Variants in CNTN4 observed in about 807,000 individuals in gnomAD.
The protein encoded by CNTN4 is contactin-4.
A neutral mutation model predicts 122.5 loss-of-function variants in CNTN4; 77 were observed. The ratio of observed to expected loss-of-function variants is 0.63; its 90% CI spans 0.52 to 0.76. The LOEUF (loss-of-function observed/expected upper bound fraction) is 0.76, where lower values mean the gene tolerates loss of function less well. Among genes scored for constraint, CNTN4 ranks in the 30% least tolerant of loss-of-function variants. CNTN4 has a pLI of 0.00. For missense variants in CNTN4, 1,256 were observed against 1,259.1 expected, an observed-to-expected ratio of 1.00 and a Z score of 0.04; for synonymous variants, 512 against 447.0, an observed-to-expected ratio of 1.15 and a Z score of -1.83.
intron 10 of CNTN4, among the ~76,000 whole-genome samples, chr3:2,897,493 C>T (rs1249848235): frequency 6.6e-6 from 1 of 151,616 alleles, no homozygotes; most frequent in Non-Finnish European, 1.5e-5. Flanking sequence ...TTGAACTAAC[C>T]TGTTCAGGCC....
At chr3:2,992,189 T>G (rs1446975173) in intron 14 of CNTN4, among the ~76,000 whole-genome samples, 1 of 152,162 alleles carries the variant, frequency 6.6e-6, no homozygotes, top group African/African-American at 2.4e-5. Flanking sequence ...CATGAATAAA[T>G]ATTCAGATTC....
chr3:2,672,145 A>G (rs1421684378), intron 4 of CNTN4, among the ~76,000 whole-genome samples: 3 of 152,220 alleles, frequency 2.0e-5, no homozygotes, highest in African/African-American at 7.2e-5. Context: ...CCAAGCTGTC[A>G]GACAGGGACA....
chr3:2,919,121 A>G (rs1212334416), intron 12 of CNTN4, among the ~76,000 whole-genome samples: 1 of 151,642 alleles, frequency 6.6e-6, no homozygotes, highest in African/African-American at 2.4e-5. Flanking sequence ...AGGCAGTAAG[A>G]TGACTTGAAG....
chr3:2,557,750 CAA>C (rs1161308559), intron 3 of CNTN4, among the ~76,000 whole-genome samples: 38 of 105,962 alleles, frequency 3.6e-4, no homozygotes, highest in African/African-American at 4.3e-4. Flanking sequence ...GATTCTGTCT[CAA>C]AAAAAAAAAA....
At chr3:2,705,363 G>T (rs1227928265) in intron 4 of CNTN4, among the ~76,000 whole-genome samples, 2 of 113,856 alleles carry the variant, frequency 1.8e-5, no homozygotes, top group African/African-American at 7.1e-5. Context: ...GCCAGACTCC[G>T]TCTCAAAAAA....
intron 4 of CNTN4, chr3:2,629,441 C>G (rs966589499): frequency 2.8e-6 from 1 of 361,372 alleles, no homozygotes; most frequent in Admixed American, 3.7e-5. Flanking sequence ...TTCAATTTTC[C>G]CAAGTCCGGT....
intron 6 of CNTN4, among the ~76,000 whole-genome samples, chr3:2,814,734 T>C (rs1004822022): frequency 2.6e-5 from 4 of 152,174 alleles, no homozygotes; most frequent in Admixed American, 6.5e-5. Flanking sequence ...AGCAGTAACT[T>C]TGGAGAGAGA....
chr3:2,556,750 T>C (rs985452384), intron 3 of CNTN4, among the ~76,000 whole-genome samples: 1 of 152,122 alleles, frequency 6.6e-6, no homozygotes, highest in Non-Finnish European at 1.5e-5. Context: ...TTTCCTGTAT[T>C]CTAACCATAT....
At chr3:2,324,599 GATCTGTT>G (rs2043388733) in intron 2 of CNTN4, among the ~76,000 whole-genome samples, 2 of 152,208 alleles carry the variant, frequency 1.3e-5, no homozygotes, top group Middle Eastern at 3.4e-3. Flanking sequence ...TTGTGTCCCA[GATCTGTT>G]TCCCTCCATC....
intron 2 of CNTN4, among the ~76,000 whole-genome samples, chr3:2,292,372 A>G (rs769003047): frequency 9.2e-5 from 14 of 152,166 alleles, no homozygotes; most frequent in Non-Finnish European, 1.3e-4. Flanking sequence ...CCCCACTGAT[A>G]TTTGTTAACT....
intron 3 of CNTN4, among the ~76,000 whole-genome samples, chr3:2,370,162 G>A (rs1399700669): frequency 6.6e-6 from 1 of 152,074 alleles, no homozygotes; most frequent in Non-Finnish European, 1.5e-5. Flanking sequence ...TTCACAGCCT[G>A]AGGCCAGCAG....
intron 6 of CNTN4, among the ~76,000 whole-genome samples, chr3:2,747,398 G>C (rs1349460283): frequency 6.8e-6 from 1 of 146,334 alleles, no homozygotes; most frequent in Non-Finnish European, 1.5e-5. Flanking sequence ...GACAGAGCGA[G>C]ACTCCGTCTA....
At chr3:2,633,951 T>C (rs2082549838) in intron 4 of CNTN4, among the ~76,000 whole-genome samples, 1 of 152,258 alleles carries the variant, frequency 6.6e-6, no homozygotes, top group South Asian at 2.1e-4. Flanking sequence ...TTGTTGATAT[T>C]GTAGATGAAG....
chr3:2,539,940 T>C (rs955470041), intron 3 of CNTN4, among the ~76,000 whole-genome samples: 1 of 152,064 alleles, frequency 6.6e-6, no homozygotes, highest in Non-Finnish European at 1.5e-5. Context: ...ACTCAAGAGT[T>C]ATTCCAATTT....
intron 13 of CNTN4, among the ~76,000 whole-genome samples, chr3:2,977,078 A>T (rs529978535): frequency 6.6e-6 from 1 of 152,258 alleles, no homozygotes; most frequent in East Asian, 1.9e-4. Flanking sequence ...ATGAATCTTT[A>T]TCTCTGTCTC....
At chr3:2,577,346 C>CTATA (rs2079738963) in intron 4 of CNTN4, among the ~76,000 whole-genome samples, 1 of 152,128 alleles carries the variant, frequency 6.6e-6, no homozygotes, top group Non-Finnish European at 1.5e-5. Flanking sequence ...ATTAATAGAT[C>CTATA]TATATATGTA....
At chr3:2,796,196 C>T (rs767315363) in intron 6 of CNTN4, among the ~76,000 whole-genome samples, 1 of 152,096 alleles carries the variant, frequency 6.6e-6, no homozygotes, top group Non-Finnish European at 1.5e-5. Context: ...ACAAGCTACA[C>T]TATAACTTAT....
chr3:2,875,290 T>A (rs1179820177), intron 8 of CNTN4, among the ~76,000 whole-genome samples: 1 of 152,154 alleles, frequency 6.6e-6, no homozygotes, highest in African/African-American at 2.4e-5. Context: ...GACAGTTGTA[T>A]CTTATCTTTA....
intron 2 of CNTN4, among the ~76,000 whole-genome samples, chr3:2,338,575 TTATTC>T (rs1448697116): frequency 9.9e-5 from 15 of 152,064 alleles, no homozygotes; most frequent in African/African-American, 3.1e-4. Context: ...ATATATACCT[TTATTC>T]TACGTAAAAT....
Sources: allele counts gnomAD v4.1 joint callset (sites outside exome capture counted in the v4.1 genomes callset), GRCh38; gene constraint gnomAD v4.1.1; transcripts MANE v1.5; gene names NCBI Gene and HGNC (gene_info 2026-07-23, HGNC 2026-07-21).